HNMT: variants seen among roughly 807,000 people sequenced by gnomAD.
HNMT encodes the protein histamine N-methyltransferase.
Under a neutral mutation model 32.1 loss-of-function variants are expected in HNMT, and 30 were observed. The ratio of observed to expected loss-of-function variants is 0.93; its 90% CI spans 0.70 to 1.27. HNMT has a LOEUF of 1.27. Ranked by LOEUF, HNMT falls within the 50% of genes most tolerant of loss-of-function variation. HNMT has a pLI of 0.00. For missense variants in HNMT, 327 were observed against 346.0 expected, an observed-to-expected ratio of 0.95 and a Z score of 0.43; for synonymous variants, 125 against 119.0, an observed-to-expected ratio of 1.05 and a Z score of -0.33.
chr2:138,012,201 C>A (rs1157113411), intron 5 of HNMT, among the ~76,000 whole-genome samples: 1 of 152,090 alleles, frequency 6.6e-6, no homozygotes, highest in African/African-American at 2.4e-5. Flanking sequence ...CTTAAATTAT[C>A]TCATGTAATG....
intron 2 of HNMT, among the ~76,000 whole-genome samples, chr2:137,986,561 C>G (rs1426278697): frequency 6.6e-6 from 1 of 152,110 alleles, no homozygotes; most frequent in African/African-American, 2.4e-5. Flanking sequence ...AAACATTAAT[C>G]TCATCCAAAA....
intron 5 of HNMT, among the ~76,000 whole-genome samples, chr2:138,010,747 T>C (rs1202461831): frequency 3.9e-5 from 6 of 151,920 alleles, no homozygotes; most frequent in Admixed American, 3.9e-4. Flanking sequence ...GAAATTTGAT[T>C]TGGGGATAAA....
At chr2:137,983,603 A>G (rs1041214428) in intron 2 of HNMT, among the ~76,000 whole-genome samples, 1 of 152,190 alleles carries the variant, frequency 6.6e-6, no homozygotes, top group African/African-American at 2.4e-5. Flanking sequence ...ACTCCAAGGA[A>G]AAGTAACTCG....
intron 2 of HNMT, among the ~76,000 whole-genome samples, chr2:137,975,453 C>T (rs1349251946): frequency 6.6e-6 from 1 of 152,110 alleles, no homozygotes; most frequent in Non-Finnish European, 1.5e-5. Context: ...AAAGGGAAGG[C>T]AGTTTTTGTG....
chr2:137,970,254 T>G (rs1680081836), intron 2 of HNMT, 37 bp downstream of exon 2: 1 of 1,184,006 alleles, frequency 8.4e-7, no homozygotes, highest in South Asian at 1.4e-5. Context: ...ATATTTCACT[T>G]TAACCATTAT....
chr2:137,985,572 G>A (rs1158869791), intron 2 of HNMT, among the ~76,000 whole-genome samples: 2 of 152,100 alleles, frequency 1.3e-5, no homozygotes, highest in Non-Finnish European at 2.9e-5. Context: ...CAGTCTGTGA[G>A]TCTGTCTATG....
intron 5 of HNMT, among the ~76,000 whole-genome samples, chr2:138,007,410 G>A (rs1308823421): frequency 6.6e-6 from 1 of 151,910 alleles, no homozygotes; most frequent in Non-Finnish European, 1.5e-5. Context: ...CCTGAAAAGA[G>A]AAATAGAATT....
intron 2 of HNMT, among the ~76,000 whole-genome samples, chr2:137,977,607 T>C (rs1405217093): frequency 1.3e-5 from 2 of 151,924 alleles, no homozygotes; most frequent in Admixed American, 6.6e-5. Flanking sequence ...ATATAAAAAA[T>C]TTAAAGAAAA....
At chr2:137,969,789 A>T (rs1680067649) in intron 1 of HNMT, among the ~76,000 whole-genome samples, 1 of 152,194 alleles carries the variant, frequency 6.6e-6, no homozygotes, top group Admixed American at 6.5e-5. Context: ...GAAAGAAGGC[A>T]AACATTATAG....
intron 2 of HNMT, among the ~76,000 whole-genome samples, chr2:137,982,168 AT>A: frequency 6.6e-6 from 1 of 151,960 alleles, no homozygotes; most frequent in Non-Finnish European, 1.5e-5. Context: ...TCTTTTCACG[AT>A]TTTTTTCCAT....
At chr2:138,011,884 A>G (rs1681517043) in intron 5 of HNMT, among the ~76,000 whole-genome samples, 1 of 152,112 alleles carries the variant, frequency 6.6e-6, no homozygotes, top group South Asian at 2.1e-4. Context: ...CCTGTTTTAC[A>G]GATGATAAAA....
intron 1 of HNMT, chr2:137,967,167 T>G (rs964784160): frequency 1.8e-5 from 14 of 770,728 alleles, no homozygotes; most frequent in Non-Finnish European, 3.1e-5. Flanking sequence ...TCCTAGCACT[T>G]CGGGAGGCTG....
chr2:137,967,077 AC>A lies in HNMT; in HGVS notation c.137+2450del, dbSNP rs1433014444. 3.8e-6 allele frequency: 3 copies of A among 780,618 alleles called. No homozygotes were observed. In the Admixed American group the frequency reaches 5.1e-5, roughly 13 times the overall value. 48.4% of individuals were successfully genotyped at this position (780,618 alleles called of 1,614,324 possible). ...GGTTTTGTATAATAGATCTAAAGGT[AC>A]TTTTCCACTGTCTTTTAGATACCAG... On this transcript the variant is annotated intron_variant, in intron 1 of 5. Transcript: ENST00000280097.
intron 2 of HNMT, among the ~76,000 whole-genome samples, chr2:137,977,267 G>A (rs567298273): frequency 1.3e-5 from 2 of 152,212 alleles, no homozygotes; most frequent in Admixed American, 1.3e-4. Flanking sequence ...TAATTTTGCT[G>A]AAGGGCAAAT....
At chr2:137,987,797 TA>T (rs1680693403) in intron 2 of HNMT, among the ~76,000 whole-genome samples, 1 of 152,146 alleles carries the variant, frequency 6.6e-6, no homozygotes, top group African/African-American at 2.4e-5. Context: ...TAGTACATCA[TA>T]TAAATGAAGA....
At chr2:137,967,022 T>G in intron 1 of HNMT, 1 of 774,204 alleles carries the variant, frequency 1.3e-6, no homozygotes, top group African/African-American at 1.7e-5. Flanking sequence ...GTTAATCGTT[T>G]GACTGGATAT....
rs550286883 is a variant in HNMT, at chr2:137,966,656, A to G, written c.137+2028A>G. 1.3e-4 allele frequency among the ~76,000 whole-genome samples: 20 copies of G among 152,200 alleles called. No homozygotes were observed. The East Asian group carries it at 3.7e-3, about 28-fold the overall frequency. On this transcript the variant is annotated intron_variant, in intron 1 of 5. Coordinates refer to ENST00000280097, the MANE Select transcript of HNMT (RefSeq NM_006895.3). ...TCTTTTCTTAGTTCTCCATGTACCTATTACTATTTTGATCCCCAAGCAGAT... is the reference window on the plus strand; with the variant it reads ...TCTTTTCTTAGTTCTCCATGTACCTGTTACTATTTTGATCCCCAAGCAGAT...
chr2:137,986,376 G>T (rs1383662686), intron 2 of HNMT, among the ~76,000 whole-genome samples: 1 of 152,074 alleles, frequency 6.6e-6, no homozygotes, highest in African/African-American at 2.4e-5. Flanking sequence ...AGAGCCCATG[G>T]TGTAAGTTCT....
chr2:138,005,651 G>T (rs1367585028), intron 5 of HNMT, among the ~76,000 whole-genome samples: 2 of 151,814 alleles, frequency 1.3e-5, no homozygotes, highest in Admixed American at 6.6e-5. Context: ...TAATTGACTT[G>T]CATTCTTAGA....
Sources: gnomAD v4.1 joint callset for allele counts (sites outside exome capture counted in the v4.1 genomes callset) on GRCh38, gnomAD v4.1.1 for gene constraint, MANE v1.5 for transcripts, NCBI Gene and HGNC (gene_info 2026-07-23, HGNC 2026-07-21) for gene names.